The following SPTLC1 variants were observed in gnomAD, a reference collection of about 807,000 sequenced individuals.
The protein encoded by SPTLC1 is serine palmitoyltransferase long chain base subunit 1, also known as serine palmitoyltransferase 1.
A neutral mutation model predicts 68.9 loss-of-function variants in SPTLC1; 55 were observed. The observed-to-expected ratio is 0.80, with a 90% CI of 0.64 to 1.00. SPTLC1 has a LOEUF of 1.00. Ranked by LOEUF, SPTLC1 falls within the 50% of genes least tolerant of loss-of-function variation. SPTLC1 has a pLI of 0.00. For synonymous variants in SPTLC1, 197 were observed against 201.6 expected (o/e 0.98, Z 0.19); for missense variants, 449 against 573.1 (o/e 0.78, Z 2.21).
At chr9:92,037,040 T>C (rs992564808) in intron 13 of SPTLC1, among the ~76,000 whole-genome samples, 2 of 152,238 alleles carry the variant, frequency 1.3e-5, no homozygotes, top group Non-Finnish European at 2.9e-5. Context: ...TTTAATGTAA[T>C]TGACTCTAGA....
chr9:92,115,050 C>G (rs1158672814), intron 1 of SPTLC1: 1 of 564,596 alleles, frequency 1.8e-6, no homozygotes, highest in Non-Finnish European at 3.2e-6. Flanking sequence ...TCCCCTTACA[C>G]GTGTTCCTTT....
At chr9:92,079,740 A>G (rs1260664651) in intron 5 of SPTLC1, 2 of 691,478 alleles carry the variant, frequency 2.9e-6, no homozygotes, top group Non-Finnish European at 5.2e-6. Flanking sequence ...CCCTGCATAA[A>G]GAGTACTGCT....
At chr9:92,065,630 A>T (rs1834251514) in intron 6 of SPTLC1, among the ~76,000 whole-genome samples, 1 of 152,242 alleles carries the variant, frequency 6.6e-6, no homozygotes, top group Non-Finnish European at 1.5e-5. Context: ...GCTTGTGTAT[A>T]AAGTGACACT....
chr9:92,058,365 T>C (rs535349826), intron 7 of SPTLC1, among the ~76,000 whole-genome samples: 17 of 152,242 alleles, frequency 1.1e-4, no homozygotes, highest in Non-Finnish European at 2.2e-4. Flanking sequence ...ATTTTTATCA[T>C]TTATTCTAGT....
At chr9:92,103,633 C>T (rs1230661848) in intron 3 of SPTLC1, among the ~76,000 whole-genome samples, 2 of 152,210 alleles carry the variant, frequency 1.3e-5, no homozygotes, top group South Asian at 2.1e-4. Flanking sequence ...GTCAGGGCAC[C>T]GCGTCCTCTC....
chr9:92,115,159 A>C, intron 1 of SPTLC1, 155 bp downstream of exon 1: 3 of 495,166 alleles, frequency 6.1e-6, no homozygotes, highest in Non-Finnish European at 3.8e-6. Context: ...AACCGCTGGG[A>C]CTAGAAGCTC....
chr9:92,111,453 T>C (rs1377730155), intron 2 of SPTLC1: 2 of 152,192 alleles, frequency 1.3e-5, no homozygotes, highest in Non-Finnish European at 2.9e-5. Flanking sequence ...TAGCATGTAT[T>C]ATGGCTTTTA....
chr9:92,115,283 G>C lies in SPTLC1; in HGVS notation c.57+31C>G, dbSNP rs777533873. On this transcript the variant is annotated intron_variant, in intron 1 of 14. Coordinates refer to ENST00000262554, the MANE Select transcript of SPTLC1 (RefSeq NM_006415.4). ...TCCCACCCTCCCCGGGCCCGGGTGT[G>C]GTCGCGGACCGCTAATGGCGCGGAG... 3.7e-6 allele frequency: 6 copies of C among 1,609,548 alleles called. No homozygotes were observed. The Admixed American group carries it at 5.0e-5, about 13-fold the overall frequency.
chr9:92,114,041 A>C (rs546367907), intron 1 of SPTLC1, among the ~76,000 whole-genome samples: 12 of 152,218 alleles, frequency 7.9e-5, no homozygotes, highest in African/African-American at 2.9e-4. Flanking sequence ...TGGGAGGCCA[A>C]AGCAGGAGGA....
Position 92,080,967 on chromosome 9 carries a change from G to GTT in SPTLC1, c.261-5_261-4insAA. The GTT allele has an allele frequency of 6.2e-7, 1 of 1,609,850 alleles. No individual in the cohort carries two copies. Among genetic ancestry groups the GTT allele is most frequent in the African/African-American group, 1.3e-5 (1 of 74,902 alleles). ...CACAGTTTTGTGGCTTGGAGGGCTA[G>GTT]GGAAGAGATAGAGTGGTACATGTCA... is the stretch of plus-strand genomic sequence containing the variant. On this transcript the variant is annotated splice_region_variant and splice_polypyrimidine_tract_variant and intron_variant, in intron 3 of 14. Transcript: ENST00000262554.
chr9:92,108,365 G>C (rs1195008872), intron 3 of SPTLC1: 11 of 223,158 alleles, frequency 4.9e-5, no homozygotes, highest in Non-Finnish European at 7.3e-5. Flanking sequence ...TCAACAAATG[G>C]TAGTTAAGCA....
At position 92,059,170 on chromosome 9, in the gene SPTLC1, G is replaced by T; in HGVS notation, c.690+9C>A. 2 of 1,612,718 alleles carry T rather than the reference G, an allele frequency of 1.2e-6. No individual in the cohort carries two copies. Among genetic ancestry groups the T allele is most frequent in the Middle Eastern group, 1.7e-4 (1 of 6,042 alleles). On this transcript the variant is annotated intron_variant, in intron 7 of 14. Transcript: ENST00000262554. ...AAGAACTGTATAATTTTCTTCAAAA[G>T]AATCATACCTTTTGATCTTCGATCT...
At chr9:92,102,255 A>C (rs1179905614) in intron 3 of SPTLC1, among the ~76,000 whole-genome samples, 2 of 152,262 alleles carry the variant, frequency 1.3e-5, no homozygotes, top group Admixed American at 6.5e-5. Context: ...CATCACCATA[A>C]GACCAGCCTG....
intron 8 of SPTLC1, among the ~76,000 whole-genome samples, chr9:92,052,540 T>TA (rs1564089087): frequency 2.4e-4 from 37 of 151,160 alleles, no homozygotes; most frequent in African/African-American, 8.4e-4. Flanking sequence ...TATTATTTTT[T>TA]TTTTTTTGAG....
chr9:92,070,779 C>T (rs1834451352), intron 5 of SPTLC1, among the ~76,000 whole-genome samples: 1 of 152,120 alleles, frequency 6.6e-6, no homozygotes, highest in African/African-American at 2.4e-5. Context: ...ATGGAACAAG[C>T]AATATGCTAT....
chr9:92,048,482 A>G (rs1833595936), intron 9 of SPTLC1, among the ~76,000 whole-genome samples: 1 of 152,194 alleles, frequency 6.6e-6, no homozygotes, highest in Non-Finnish European at 1.5e-5. Context: ...AGCATGTTTA[A>G]ACCTTTCATT....
chr9:92,080,869 C>T lies in SPTLC1; in HGVS notation c.354+1G>A. ...CCACTTCAGCAATATGTGCTACTCA[C>T]CTTAACCCTAGGGTTATCCAACAAT... On this transcript the variant is annotated splice_donor_variant, in intron 4 of 14. Transcript: ENST00000262554. LOFTEE classifies it high-confidence loss of function. 2 of 1,607,886 alleles carry T rather than the reference C, an allele frequency of 1.2e-6. No homozygotes were observed. Among genetic ancestry groups the T allele is most frequent in the Non-Finnish European group, 1.7e-6 (2 of 1,174,326 alleles).
At chr9:92,054,334 T>C (rs938793607) in intron 8 of SPTLC1, among the ~76,000 whole-genome samples, 26 of 152,154 alleles carry the variant, frequency 1.7e-4, no homozygotes, top group African/African-American at 5.5e-4. Context: ...CTTTCATTCA[T>C]ATGCAATTCT....
chr9:92,091,373 G>A (rs1251647452), intron 3 of SPTLC1, among the ~76,000 whole-genome samples: 3 of 152,160 alleles, frequency 2.0e-5, no homozygotes, highest in African/African-American at 7.2e-5. Flanking sequence ...AAAAAGTTAT[G>A]CATCCAAGTA....
Sources: allele counts gnomAD v4.1 joint callset (sites outside exome capture counted in the v4.1 genomes callset), GRCh38; gene constraint gnomAD v4.1.1; transcripts MANE v1.5; gene names NCBI Gene and HGNC (gene_info 2026-07-23, HGNC 2026-07-21).